CLSTN1: variants seen among roughly 807,000 people sequenced by gnomAD.
CLSTN1 encodes the protein calsyntenin 1, also known as calsyntenin-1.
A neutral mutation model predicts 108.3 loss-of-function variants in CLSTN1; 28 were observed. That is an observed-to-expected ratio of 0.26 (90% CI 0.19 to 0.35). The LOEUF (loss-of-function observed/expected upper bound fraction) is 0.35. CLSTN1 is among the 10% of genes least tolerant of loss of function. The pLI, the probability that CLSTN1 is intolerant of heterozygous loss-of-function variation, is 1.00. For missense variants in CLSTN1, 1,157 were observed against 1,302.6 expected, an observed-to-expected ratio of 0.89 and a Z score of 1.72; for synonymous variants, 524 against 534.9, an observed-to-expected ratio of 0.98 and a Z score of 0.28.
At position 9,736,861 on chromosome 1, in the gene CLSTN1, G is replaced by A. The variant is rs550022061; in HGVS notation, c.1576+637C>T. 2.0e-5 allele frequency among the ~76,000 whole-genome samples: 3 copies of A among 152,210 alleles called. No individual in the cohort carries two copies. In the South Asian group the frequency reaches 6.2e-4, roughly 32 times the overall value. On this transcript the variant is annotated intron_variant, in intron 11 of 18. Coordinates refer to ENST00000377298, the MANE Select transcript of CLSTN1 (RefSeq NM_001009566.3). ...GGCCGAGGCGGGTGGATCACCTGAGGTCAGAGTTTGAGACCAGCCTGGCGA... is the reference window on the plus strand; with the variant it reads ...GGCCGAGGCGGGTGGATCACCTGAGATCAGAGTTTGAGACCAGCCTGGCGA...
In CLSTN1 at chr1:9,741,116, G is replaced by A. The variant is rs200543679; in HGVS notation, c.1497C>T (p.Leu499=). 54 of 1,613,662 alleles carry A rather than the reference G, an allele frequency of 3.3e-5. 1 individual carries two copies. The highest frequency in any genetic ancestry group is 8.3e-5 in the Admixed American group (5 of 60,004). ...TACCTTGCCAGCAAGCCCCCACCAC[G>A]AGCTGAGTTTCTATCTTGGATGGAT... The part of the protein sequence containing the change: ...PLHPSKIETQ[L]VVGACWQEFS... The change falls in exon 10 of 19, where the codon CTC becomes CTT. Residue 499 remains leucine (L), a synonymous_variant. Transcript: ENST00000377298.
chr1:9,748,610 C>T (rs935418484), intron 7 of CLSTN1, among the ~76,000 whole-genome samples: 1 of 152,206 alleles, frequency 6.6e-6, no homozygotes, highest in African/African-American at 2.4e-5. Flanking sequence ...CCCTCAGCCC[C>T]CCAAGTAGTT....
intron 1 of CLSTN1, among the ~76,000 whole-genome samples, chr1:9,822,215 T>C (rs1655215980): frequency 6.6e-6 from 1 of 152,222 alleles, no homozygotes; most frequent in Admixed American, 6.5e-5. Flanking sequence ...GGAAAGAACA[T>C]TTCAAACTTA....
chr1:9,807,062 G>A (rs1035893641), intron 1 of CLSTN1, among the ~76,000 whole-genome samples: 2 of 152,008 alleles, frequency 1.3e-5, no homozygotes, highest in Admixed American at 1.3e-4. Flanking sequence ...CGGGACACTG[G>A]TGCCACAGGT....
intron 2 of CLSTN1, among the ~76,000 whole-genome samples, chr1:9,758,480 A>C (rs1181879870): frequency 6.6e-6 from 1 of 150,912 alleles, no homozygotes. Flanking sequence ...AGCCTCGCTA[A>C]TTTTTGTATT....
intron 1 of CLSTN1, among the ~76,000 whole-genome samples, chr1:9,822,058 G>T (rs190464375): frequency 6.6e-6 from 1 of 152,286 alleles, no homozygotes; most frequent in Admixed American, 6.5e-5. Context: ...ACAAGAAATG[G>T]TATCACTGAC....
chr1:9,823,391 G>C lies in CLSTN1; in HGVS notation c.91+252C>G, dbSNP rs137867888. On this transcript the variant is annotated intron_variant, in intron 1 of 18. Transcript: ENST00000377298. This position sits in a 1 kb window ranked among gnomAD's most constrained non-coding sequence, Gnocchi z 6.3. ...GCCCGGGACGGAGCCTGGCTTCCCC[G>C]GGACGCCTGCAGCGCGCGCCCACAG... 6.4e-3 allele frequency among the ~76,000 whole-genome samples: 980 copies of C among 152,194 alleles called. 9 individuals are homozygous for C. Among genetic ancestry groups the C allele is most frequent in the Non-Finnish European group, 0.011 (757 of 67,972 alleles).
intron 1 of CLSTN1, among the ~76,000 whole-genome samples, chr1:9,817,202 A>G (rs945787665): frequency 1.3e-5 from 2 of 152,216 alleles, no homozygotes; most frequent in African/African-American, 2.4e-5. Context: ...CGCCACTTCT[A>G]TTAATTCTTT....
At chr1:9,800,059 T>C (rs1368063251) in intron 1 of CLSTN1, among the ~76,000 whole-genome samples, 1 of 152,080 alleles carries the variant, frequency 6.6e-6, no homozygotes, top group Non-Finnish European at 1.5e-5. Context: ...TTTATCAAAA[T>C]GTGTGGGATG....
intron 1 of CLSTN1, among the ~76,000 whole-genome samples, chr1:9,782,512 C>T (rs973618847): frequency 2.0e-4 from 30 of 152,098 alleles, no homozygotes; most frequent in African/African-American, 7.2e-4. Flanking sequence ...GCAATCAAAC[C>T]TTCTACAAGT....
chr1:9,752,690 C>T (rs1225967558), intron 4 of CLSTN1, among the ~76,000 whole-genome samples: 2 of 152,062 alleles, frequency 1.3e-5, no homozygotes, highest in South Asian at 2.1e-4. Context: ...GGTGAAACTC[C>T]GTCTCTACCA....
At chr1:9,821,669 CCA>C (rs1282083948) in intron 1 of CLSTN1, among the ~76,000 whole-genome samples, 2 of 152,032 alleles carry the variant, frequency 1.3e-5, no homozygotes, top group East Asian at 1.9e-4. Context: ...TAAAACGAGC[CCA>C]CAGAGTGTCT....
chr1:9,803,294 A>C (rs1654364469), intron 1 of CLSTN1, among the ~76,000 whole-genome samples: 1 of 152,108 alleles, frequency 6.6e-6, no homozygotes, highest in Admixed American at 6.6e-5. Flanking sequence ...TCTAGGCAAA[A>C]ACCAGATCAT....
At chr1:9,752,036 C>G (rs957700832) in intron 4 of CLSTN1, among the ~76,000 whole-genome samples, 3 of 151,812 alleles carry the variant, frequency 2.0e-5, no homozygotes, top group Non-Finnish European at 4.4e-5. Flanking sequence ...CGTCTGTTTG[C>G]TCTCCAATTA....
intron 1 of CLSTN1, among the ~76,000 whole-genome samples, chr1:9,811,394 C>T (rs1654750564): frequency 6.6e-6 from 1 of 152,158 alleles, no homozygotes; most frequent in South Asian, 2.1e-4. Context: ...TGGGCATGGA[C>T]TTTTTAAACC....
intron 11 of CLSTN1, among the ~76,000 whole-genome samples, chr1:9,736,911 A>G (rs1474629704): frequency 6.6e-6 from 1 of 152,106 alleles, no homozygotes; most frequent in East Asian, 1.9e-4. Flanking sequence ...CGTCTCTACT[A>G]AAAATATAAA....
intron 2 of CLSTN1, among the ~76,000 whole-genome samples, chr1:9,758,722 C>T (rs543967683): frequency 1.3e-4 from 20 of 152,292 alleles, no homozygotes; most frequent in Admixed American, 2.6e-4. Context: ...TGAGAATCCA[C>T]GGGTCAAAAC....
Position 9,767,577 on chromosome 1 carries a change from G to A in CLSTN1, c.214+5695C>T, listed in dbSNP as rs147470110. Among the ~76,000 whole-genome samples the A allele has an allele frequency of 6.0e-3, 892 of 149,720 alleles. 9 individuals are homozygous for A. The highest frequency in any genetic ancestry group is 0.021 in the Middle Eastern group (6 of 280). ...AAAAAAAAACCTGCTGAAAAGAATC[G>A]GAGAAAGTAACCCACACCGGGCCCT... On this transcript the variant is annotated intron_variant, in intron 2 of 18. Coordinates refer to ENST00000377298, the MANE Select transcript of CLSTN1 (RefSeq NM_001009566.3).
chr1:9,733,569 G>A, intron 15 of CLSTN1, 23 bp from the exon 16 acceptor site: 1 of 1,613,112 alleles, frequency 6.2e-7, no homozygotes, highest in Non-Finnish European at 8.5e-7. Flanking sequence ...AAAGGGGGAA[G>A]ATTGCCGGGT....
Sources: allele counts gnomAD v4.1 joint callset (sites outside exome capture counted in the v4.1 genomes callset), GRCh38; gene constraint gnomAD v4.1.1; non-coding constraint Gnocchi (gnomAD v3.1); transcripts MANE v1.5; gene names NCBI Gene and HGNC (gene_info 2026-07-23, HGNC 2026-07-21).